The following CDKAL1 variants were observed in gnomAD, a reference collection of about 807,000 sequenced individuals.
CDKAL1 encodes CDKAL1 threonylcarbamoyladenosine tRNA methylthiotransferase.
In CDKAL1, 32 loss-of-function variants were observed where a neutral mutation model predicts 68.2. That is an observed-to-expected ratio of 0.47 (90% CI 0.35 to 0.63). The LOEUF (loss-of-function observed/expected upper bound fraction) is 0.63. Among genes scored for constraint, CDKAL1 ranks in the 30% least tolerant of loss-of-function variants. The probability of loss-of-function intolerance (pLI) is 0.00; values close to 1 mark genes in which losing one functional copy is unlikely to be tolerated. For missense variants in CDKAL1, 606 were observed against 696.7 expected (o/e 0.87, Z 1.47); for synonymous variants, 234 against 244.3 (o/e 0.96, Z 0.39).
chr6:20,715,137 A>G (rs1395169085), intron 5 of CDKAL1, among the ~76,000 whole-genome samples: 4 of 152,208 alleles, frequency 2.6e-5, no homozygotes, highest in Non-Finnish European at 5.9e-5. Flanking sequence ...CTTATGTTAT[A>G]CATTGCATCT....
chr6:20,559,547 C>T (rs1764189250), intron 4 of CDKAL1: 1 of 152,036 alleles, frequency 6.6e-6, no homozygotes, highest in African/African-American at 2.4e-5. Flanking sequence ...TCCTGTTCAA[C>T]CTTTGGCCTG....
chr6:21,162,012 A>T (rs1212023652), intron 13 of CDKAL1, among the ~76,000 whole-genome samples: 2 of 152,208 alleles, frequency 1.3e-5, no homozygotes, highest in African/African-American at 2.4e-5. Flanking sequence ...TAAGTAATAC[A>T]GACGCTGCTT....
chr6:21,076,691 T>A (rs533172963), intron 12 of CDKAL1, among the ~76,000 whole-genome samples: 86 of 152,322 alleles, frequency 5.6e-4, no homozygotes, highest in African/African-American at 2.0e-3. Context: ...CTAAATTGAT[T>A]CCCAAACATA....
At chr6:20,571,477 A>G (rs1764699534) in intron 4 of CDKAL1, among the ~76,000 whole-genome samples, 1 of 152,144 alleles carries the variant, frequency 6.6e-6, no homozygotes, top group African/African-American at 2.4e-5. Flanking sequence ...ATAATGAGGA[A>G]GTGAAGCAAT....
chr6:21,134,521 T>G (rs1034228323), intron 13 of CDKAL1, among the ~76,000 whole-genome samples: 2 of 152,222 alleles, frequency 1.3e-5, no homozygotes, highest in Non-Finnish European at 2.9e-5. Flanking sequence ...AGCATGTGTT[T>G]TAATGAATTA....
intron 8 of CDKAL1, among the ~76,000 whole-genome samples, chr6:20,827,916 G>A (rs1330962792): frequency 6.6e-6 from 1 of 151,758 alleles, no homozygotes. Context: ...GTTTTTGTTT[G>A]TGGTTGGAAA....
chr6:20,915,511 C>T (rs1467340729), intron 9 of CDKAL1, among the ~76,000 whole-genome samples: 2 of 152,204 alleles, frequency 1.3e-5, no homozygotes, highest in African/African-American at 4.8e-5. Flanking sequence ...GGCCCACCCA[C>T]ATTTTGGGGG....
chr6:20,738,228 C>T (rs1480252327), intron 5 of CDKAL1, among the ~76,000 whole-genome samples: 2 of 152,062 alleles, frequency 1.3e-5, no homozygotes, highest in South Asian at 2.1e-4. Flanking sequence ...CTCCAATACC[C>T]GTACACATGC....
At chr6:20,916,201 G>A (rs1343103311) in intron 9 of CDKAL1, among the ~76,000 whole-genome samples, 3 of 152,134 alleles carry the variant, frequency 2.0e-5, no homozygotes, top group South Asian at 4.1e-4. Context: ...GGAAAAACTG[G>A]TAGAATCCAA....
chr6:20,744,156 G>T (rs570913361), intron 6 of CDKAL1, among the ~76,000 whole-genome samples: 15 of 152,112 alleles, frequency 9.9e-5, no homozygotes, highest in Non-Finnish European at 1.9e-4. Context: ...TGTCATTTAT[G>T]TTAGCTGTAG....
At position 20,601,460 on chromosome 6, in the gene CDKAL1, G is replaced by C. The variant is rs181676714; in HGVS notation, c.287-47833G>C. Among the ~76,000 whole-genome samples the C allele has an allele frequency of 2.3e-3, 344 of 152,278 alleles. 2 individuals are homozygous for C. Among genetic ancestry groups the C allele is most frequent in the African/African-American group, 7.5e-3 (312 of 41,562 alleles). The stretch of plus-strand genomic sequence containing the variant: ...TTTCTTGTGGGCATGGGAATGGTAA[G>C]TAGTGATTAAAGTTTTGAATTTAAT... On this transcript the variant is annotated intron_variant, in intron 4 of 15. Transcript: ENST00000274695.
At chr6:20,997,889 G>GA (rs937996997) in intron 10 of CDKAL1, among the ~76,000 whole-genome samples, 2 of 151,334 alleles carry the variant, frequency 1.3e-5, no homozygotes, top group South Asian at 2.1e-4. Flanking sequence ...CTTACCAAAA[G>GA]AAAAAAAATA....
chr6:21,147,869 C>A (rs886927587), intron 13 of CDKAL1, among the ~76,000 whole-genome samples: 2 of 152,060 alleles, frequency 1.3e-5, no homozygotes, highest in Admixed American at 6.6e-5. Flanking sequence ...ATTGCTAGTA[C>A]AGCTTAATGC....
At chr6:21,063,534 G>A (rs1303402701) in intron 11 of CDKAL1, among the ~76,000 whole-genome samples, 2 of 152,136 alleles carry the variant, frequency 1.3e-5, no homozygotes, top group African/African-American at 2.4e-5. Flanking sequence ...TTCTTTAGTG[G>A]TGGAAAGTCT....
chr6:21,189,741 T>C (rs555198010), intron 13 of CDKAL1, among the ~76,000 whole-genome samples: 27 of 152,336 alleles, frequency 1.8e-4, no homozygotes, highest in African/African-American at 6.3e-4. Flanking sequence ...AAGGATGATA[T>C]TAAATTTTAA....
At chr6:20,896,188 C>T (rs2150588084) in intron 9 of CDKAL1, among the ~76,000 whole-genome samples, 1 of 150,358 alleles carries the variant, frequency 6.7e-6, no homozygotes, top group South Asian at 2.1e-4. Context: ...GCAGCCTCCG[C>T]CTCCCAGGTT....
chr6:20,631,308 T>G (rs1318868999), intron 4 of CDKAL1, among the ~76,000 whole-genome samples: 1 of 152,156 alleles, frequency 6.6e-6, no homozygotes, highest in African/African-American at 2.4e-5. Flanking sequence ...TTCATGCATC[T>G]ACAATAGCTT....
At chr6:21,047,149 T>C (rs1770284472) in intron 11 of CDKAL1, among the ~76,000 whole-genome samples, 1 of 152,018 alleles carries the variant, frequency 6.6e-6, no homozygotes, top group Non-Finnish European at 1.5e-5. Context: ...GGCCTTGAAC[T>C]CCTAGATCCT....
At chr6:20,667,691 C>G (rs1769617504) in intron 5 of CDKAL1, among the ~76,000 whole-genome samples, 1 of 144,562 alleles carries the variant, frequency 6.9e-6, no homozygotes, top group Non-Finnish European at 1.5e-5. Context: ...AAGTTACTTT[C>G]ATAAGGTGGC....
Sources: gnomAD v4.1 joint callset for allele counts (sites outside exome capture counted in the v4.1 genomes callset) on GRCh38, gnomAD v4.1.1 for gene constraint, MANE v1.5 for transcripts, NCBI Gene and HGNC (gene_info 2026-07-23, HGNC 2026-07-21) for gene names.